ABCG1: variants seen among roughly 807,000 people sequenced by gnomAD.
ABCG1 encodes ATP-binding cassette sub-family G member 1.
A neutral mutation model predicts 69.2 loss-of-function variants in ABCG1; 29 were observed. The observed-to-expected ratio is 0.42, with a 90% confidence interval of 0.31 to 0.57. ABCG1 has a LOEUF of 0.57. Among genes scored for constraint, ABCG1 ranks in the 20% least tolerant of loss-of-function variants. The pLI is 0.15. For missense variants in ABCG1, 718 were observed against 898.1 expected (o/e 0.80, Z 2.56); for synonymous variants, 370 against 374.8 (o/e 0.99, Z 0.15).
At position 42,225,918 on chromosome 21, in the gene ABCG1, G is replaced by A. The variant is rs4148108; in HGVS notation, c.286+4G>A. On this transcript the variant is annotated splice_donor_region_variant and intron_variant, in intron 2 of 14. Coordinates refer to ENST00000398449, the MANE Select transcript of ABCG1 (RefSeq NM_016818.3). Reference sequence around the variant, plus strand: ...GGACCCTGGTGGAGGAAGAAAGGTAGGGAGGGCGGCTGCTTTGTGTATCAA... The same window carrying A: ...GGACCCTGGTGGAGGAAGAAAGGTAAGGAGGGCGGCTGCTTTGTGTATCAA... 2,488 of 1,610,526 alleles carry A rather than the reference G, an allele frequency of 1.5e-3. 29 individuals carry two copies. The East Asian group carries it at 0.023, about 15-fold the overall frequency.
chr21:42,226,825 G>T (rs1004928880), intron 2 of ABCG1, among the ~76,000 whole-genome samples: 36 of 152,168 alleles, frequency 2.4e-4, no homozygotes, highest in Non-Finnish European at 4.3e-4. Context: ...TTGAAAATCT[G>T]GGAGGACTTT....
At chr21:42,283,807 CACCTCTGTCCCGCCTGGACAGTTG>C in intron 6 of ABCG1, among the ~76,000 whole-genome samples, 1 of 90,988 alleles carries the variant, frequency 1.1e-5, no homozygotes, top group South Asian at 4.1e-4. Context: ...GGGACCCCCC[CACCTCTGTCCCGCCTGGACAGTTG>C]CAAAGTCCCC....
chr21:42,201,880 G>T (rs150544617), intron 2 of ABCG1, among the ~76,000 whole-genome samples: 1 of 152,180 alleles, frequency 6.6e-6, no homozygotes, highest in Non-Finnish European at 1.5e-5. Flanking sequence ...GGGCCAGCCC[G>T]AGGCAAACTG....
intron 2 of ABCG1, among the ~76,000 whole-genome samples, chr21:42,253,288 A>T (rs2068251944): frequency 6.6e-6 from 1 of 152,196 alleles, no homozygotes; most frequent in Non-Finnish European, 1.5e-5. Flanking sequence ...CCCAGAGCAG[A>T]TCAGAGAAGC....
chr21:42,271,302 G>A (rs2068613261), intron 3 of ABCG1, 115 bp downstream of exon 3: 1 of 636,448 alleles, frequency 1.6e-6, no homozygotes, highest in African/African-American at 1.9e-5. Context: ...GTCTACAGCA[G>A]TAGTCCAGGG....
chr21:42,261,434 C>T (rs1214165751), intron 2 of ABCG1, among the ~76,000 whole-genome samples: 2 of 152,176 alleles, frequency 1.3e-5, no homozygotes, highest in Non-Finnish European at 2.9e-5. Flanking sequence ...GAAAGGATGA[C>T]TCCTGAGAAA....
intron 13 of ABCG1, among the ~76,000 whole-genome samples, chr21:42,293,628 CCA>C (rs1169773952): frequency 2.1e-5 from 3 of 145,886 alleles, no homozygotes; most frequent in African/African-American, 5.0e-5. Context: ...ACACTACACA[CCA>C]CACACACACC....
At chr21:42,272,878 G>A (rs541580961) in intron 3 of ABCG1, among the ~76,000 whole-genome samples, 1 of 152,316 alleles carries the variant, frequency 6.6e-6, no homozygotes, top group Admixed American at 6.5e-5. Context: ...TCCGGCCTTT[G>A]GGCAGTTGGG....
chr21:42,201,320 C>G (rs115597917), intron 1 of ABCG1, among the ~76,000 whole-genome samples: 3,989 of 152,184 alleles, frequency 0.026, 177 homozygotes, highest in African/African-American at 0.09. Context: ...AACCTAGATC[C>G]CTTGAGTGCT....
chr21:42,218,756 C>T (rs981515673), upstream of ABCG1, among the ~76,000 whole-genome samples: 12 of 152,252 alleles, frequency 7.9e-5, no homozygotes, highest in African/African-American at 2.9e-4. Context: ...GAAAGAAGCC[C>T]CCTGGCCCTC....
intron 13 of ABCG1, among the ~76,000 whole-genome samples, chr21:42,292,756 T>C (rs1277137069): frequency 2.9e-5 from 3 of 101,792 alleles, no homozygotes; most frequent in African/African-American, 7.9e-5. Flanking sequence ...CACTACACAC[T>C]ACACACCACA....
At chr21:42,218,188 G>A (rs1412584269), upstream of ABCG1, among the ~76,000 whole-genome samples, 1 of 152,170 alleles carries the variant, frequency 6.6e-6, no homozygotes, top group Admixed American at 6.5e-5. Flanking sequence ...GGTTGGGAGG[G>A]GGGACCCAGG....
At chr21:42,221,705 G>A (rs570327545) in intron 1 of ABCG1, among the ~76,000 whole-genome samples, 5 of 152,336 alleles carry the variant, frequency 3.3e-5, no homozygotes, top group African/African-American at 9.6e-5. Context: ...CAGGTACCAA[G>A]GCTGGCAGCA....
intron 5 of ABCG1, among the ~76,000 whole-genome samples, chr21:42,279,121 G>C (rs2068760592): frequency 6.6e-6 from 1 of 152,060 alleles, no homozygotes; most frequent in African/African-American, 2.4e-5. Flanking sequence ...CTTTGTCTCG[G>C]ATAGCCCTCC....
At chr21:42,289,427 C>T (rs1420232098) in intron 10 of ABCG1, among the ~76,000 whole-genome samples, 4 of 152,158 alleles carry the variant, frequency 2.6e-5, no homozygotes, top group African/African-American at 9.7e-5. Flanking sequence ...GTCACATGGC[C>T]GAGCCTGAAA....
At chr21:42,277,772 G>A (rs1201021853) in intron 5 of ABCG1, among the ~76,000 whole-genome samples, 1 of 152,232 alleles carries the variant, frequency 6.6e-6, no homozygotes, top group Non-Finnish European at 1.5e-5. Context: ...GCTCGACATG[G>A]CCCTTTGTGT....
At chr21:42,294,460 G>A (rs1406556540) in intron 13 of ABCG1, 82 bp from the exon 14 acceptor site, 8 of 1,101,206 alleles carry the variant, frequency 7.3e-6, no homozygotes, top group South Asian at 6.2e-5. Flanking sequence ...CTGCCCGGGG[G>A]AAGCTGGCGT....
chr21:42,208,195 G>T (rs2123468202), intron 2 of ABCG1, among the ~76,000 whole-genome samples: 1 of 150,992 alleles, frequency 6.6e-6, no homozygotes, highest in Non-Finnish European at 1.5e-5. Flanking sequence ...CTATTCTTTT[G>T]GCTAGAGAGA....
At chr21:42,239,901 G>C (rs973573318) in intron 2 of ABCG1, among the ~76,000 whole-genome samples, 1 of 152,240 alleles carries the variant, frequency 6.6e-6, no homozygotes, top group African/African-American at 2.4e-5. Flanking sequence ...TGGGCAAGGG[G>C]CCTAAGCTCC....
Sources: gnomAD v4.1 joint callset for allele counts (sites outside exome capture counted in the v4.1 genomes callset) on GRCh38, gnomAD v4.1.1 for gene constraint, MANE v1.5 for transcripts, NCBI Gene and HGNC (gene_info 2026-07-23, HGNC 2026-07-21) for gene names.